Variants in KDM4A observed in about 807,000 individuals in gnomAD.
KDM4A encodes lysine demethylase 4A.
Under a neutral mutation model 127.1 loss-of-function variants are expected in KDM4A, and 23 were observed. The observed-to-expected ratio is 0.18, with a 90% CI of 0.13 to 0.26. The LOEUF (loss-of-function observed/expected upper bound fraction) is 0.26, where lower values mean the gene tolerates loss of function less well. Ranked by LOEUF, KDM4A falls within the 10% of genes least tolerant of loss-of-function variation. KDM4A has a pLI of 1.00. For missense variants in KDM4A, 890 were observed against 1,329.1 expected, an observed-to-expected ratio of 0.67 and a Z score of 5.14; for synonymous variants, 443 against 466.5, an observed-to-expected ratio of 0.95 and a Z score of 0.65.
chr1:43,670,221 G>C (rs1435998695), intron 10 of KDM4A, among the ~76,000 whole-genome samples: 1 of 152,188 alleles, frequency 6.6e-6, no homozygotes, highest in African/African-American at 2.4e-5. Context: ...AGAAAGGCTT[G>C]TATCTGTCTT....
rs933060016 is a variant in KDM4A, at chr1:43,688,430, C to G, written c.1856-484C>G. ...AAGCTGGTAAGTCCTGGCCAAGGAC[C>G]ATGATATTACAACTTTTAAGCTTTG... is the stretch of plus-strand genomic sequence containing the variant. On this transcript the variant is annotated intron_variant, in intron 12 of 21. Coordinates refer to ENST00000372396, the MANE Select transcript of KDM4A (RefSeq NM_014663.3). This position sits in a 1 kb window ranked among gnomAD's most constrained non-coding sequence, Gnocchi z 4.4. Among the ~76,000 whole-genome samples, 1 of 152,032 alleles carries G rather than the reference C, an allele frequency of 6.6e-6. No individual in the cohort carries two copies. The highest frequency in any genetic ancestry group is 2.4e-5 in the African/African-American group (1 of 41,302).
chr1:43,671,885 C>T lies in KDM4A; in HGVS notation c.1734+10C>T. The stretch of plus-strand genomic sequence containing the variant: ...GCGGGAGCTGGCAGAGGTATGGGCT[C>T]CAGGCAGTGGTGTGGGGTGGGGAGC... On this transcript the variant is annotated intron_variant, in intron 11 of 21. Coordinates refer to ENST00000372396, the MANE Select transcript of KDM4A (RefSeq NM_014663.3). The T allele has an allele frequency of 3.2e-6, 5 of 1,545,110 alleles. No individual in the cohort carries two copies. The highest frequency in any genetic ancestry group is 4.4e-6 in the Non-Finnish European group (5 of 1,144,600).
At chr1:43,680,953 T>A (rs1660843812) in intron 11 of KDM4A, among the ~76,000 whole-genome samples, 1 of 152,184 alleles carries the variant, frequency 6.6e-6, no homozygotes, top group Non-Finnish European at 1.5e-5. Context: ...TATCCTACTA[T>A]CTCCCTTTCA....
chr1:43,695,040 C>T (rs182027006), intron 18 of KDM4A, 146 bp downstream of exon 18: 147 of 790,282 alleles, frequency 1.9e-4, no homozygotes, highest in Non-Finnish European at 4.7e-5. Context: ...TGAGAGGTGG[C>T]CCCTGTCCAT....
Position 43,704,001 on chromosome 1 carries a change from G to A in KDM4A, c.2962-19G>A. The A allele has an allele frequency of 6.2e-7, 1 of 1,607,508 alleles. No homozygotes were observed. The highest frequency in any genetic ancestry group is 8.5e-7 in the Non-Finnish European group (1 of 1,173,962). On this transcript the variant is annotated intron_variant, in intron 20 of 21. Transcript: ENST00000372396. ...GAGTCAGGGATATCCTAGCCAAAAG[G>A]CCTTTGTTTCCTTGGTAGGTGGAGT...
At chr1:43,654,485 A>G (rs1570807932) in intron 2 of KDM4A, among the ~76,000 whole-genome samples, 1 of 145,372 alleles carries the variant, frequency 6.9e-6, no homozygotes, top group Non-Finnish European at 1.5e-5. Flanking sequence ...TTTCCTTTTT[A>G]ACAACATATA....
chr1:43,675,615 T>G (rs1660723259), intron 11 of KDM4A, among the ~76,000 whole-genome samples: 2 of 152,064 alleles, frequency 1.3e-5, no homozygotes. Context: ...GGGCCTCAGG[T>G]GGTGCTGTTG....
intron 5 of KDM4A, among the ~76,000 whole-genome samples, chr1:43,664,456 G>C (rs1056463200): frequency 7.2e-5 from 11 of 152,144 alleles, no homozygotes; most frequent in African/African-American, 2.7e-4. Context: ...GGGGGAGTCT[G>C]CTGTAGTTTG....
chr1:43,653,116 A>G, intron 1 of KDM4A, 21 bp from the exon 2 acceptor site: 1 of 1,303,720 alleles, frequency 7.7e-7, no homozygotes, highest in Non-Finnish European at 1.1e-6. Flanking sequence ...ATTATTTTAT[A>G]CTCTTAATGT....
chr1:43,701,417 CAAG>C (rs1012643197), intron 19 of KDM4A, among the ~76,000 whole-genome samples: 1 of 152,184 alleles, frequency 6.6e-6, no homozygotes, highest in Non-Finnish European at 1.5e-5. Context: ...CATGCATTTT[CAAG>C]AAGATGTCTG....
intron 5 of KDM4A, among the ~76,000 whole-genome samples, chr1:43,663,597 G>A (rs1291918004): frequency 6.6e-6 from 1 of 151,626 alleles, no homozygotes; most frequent in Non-Finnish European, 1.5e-5. Flanking sequence ...TCCTCTCTCT[G>A]TGCTGACCCA....
At chr1:43,687,684 CTGTTTCT>C (rs1203148167) in intron 12 of KDM4A, among the ~76,000 whole-genome samples, 9 of 152,218 alleles carry the variant, frequency 5.9e-5, no homozygotes, top group Non-Finnish European at 1.3e-4. Context: ...CTTTACTTCC[CTGTTTCT>C]GTTTCCTTGT....
chr1:43,703,543 C>A, intron 19 of KDM4A, 74 bp from the exon 20 acceptor site: 1 of 1,579,152 alleles, frequency 6.3e-7, no homozygotes, highest in Non-Finnish European at 8.6e-7. Context: ...GTTCACTCTT[C>A]CCTGAGTAGA....
At chr1:43,703,924 CTCCT>C (rs1557924850) in intron 20 of KDM4A, 92 bp from the exon 21 acceptor site, 2 of 1,325,262 alleles carry the variant, frequency 1.5e-6, no homozygotes, top group Non-Finnish European at 2.2e-6. Flanking sequence ...AGTGTTCTAA[CTCCT>C]TCCTTTGACT....
chr1:43,677,945 G>T (rs1325206835), intron 11 of KDM4A, among the ~76,000 whole-genome samples: 1 of 152,148 alleles, frequency 6.6e-6, no homozygotes, highest in Non-Finnish European at 1.5e-5. Flanking sequence ...GGACCTGTAG[G>T]TGGTGGTGAT....
At chr1:43,667,256 TA>T (rs1660519464) in intron 8 of KDM4A, among the ~76,000 whole-genome samples, 165 bp downstream of exon 8, 1 of 152,234 alleles carries the variant, frequency 6.6e-6, no homozygotes, top group African/African-American at 2.4e-5. Context: ...AAGGAATTTT[TA>T]AAAATGTGTT....
chr1:43,665,374 T>C (rs571898660), intron 5 of KDM4A, among the ~76,000 whole-genome samples: 9 of 152,314 alleles, frequency 5.9e-5, no homozygotes, highest in Non-Finnish European at 1.2e-4. Flanking sequence ...TTCTTTTTTT[T>C]TCTTTTAAAA....
intron 12 of KDM4A, among the ~76,000 whole-genome samples, chr1:43,685,886 C>T (rs1660963162): frequency 1.3e-5 from 2 of 152,174 alleles, no homozygotes; most frequent in Admixed American, 1.3e-4. Context: ...TGTTCTTATT[C>T]CAGCTCAGAC....
At chr1:43,680,568 G>A (rs556545027) in intron 11 of KDM4A, among the ~76,000 whole-genome samples, 27 of 152,362 alleles carry the variant, frequency 1.8e-4, no homozygotes, top group African/African-American at 6.5e-4. Flanking sequence ...GTTTCACTGA[G>A]CTAAAGTGAA....
Sources: gnomAD v4.1 joint callset for allele counts (sites outside exome capture counted in the v4.1 genomes callset) on GRCh38, gnomAD v4.1.1 for gene constraint, Gnocchi (gnomAD v3.1) non-coding constraint, MANE v1.5 for transcripts, NCBI Gene and HGNC (gene_info 2026-07-23, HGNC 2026-07-21) for gene names.